The following DGKA variants were observed in gnomAD, a reference collection of about 807,000 sequenced individuals.
The protein encoded by DGKA is 80 kDa diacylglycerol kinase.
A neutral mutation model predicts 105.0 loss-of-function variants in DGKA; 35 were observed. That is an observed-to-expected ratio of 0.33 (90% CI 0.25 to 0.44). The LOEUF (loss-of-function observed/expected upper bound fraction) is 0.44, where lower values mean the gene tolerates loss of function less well. DGKA is among the 20% of genes least tolerant of loss of function. The pLI is 1.00. For missense variants in DGKA, 665 were observed against 915.0 expected, an observed-to-expected ratio of 0.73 and a Z score of 3.53; for synonymous variants, 296 against 332.0, an observed-to-expected ratio of 0.89 and a Z score of 1.18.
intron 1 of DGKA, among the ~76,000 whole-genome samples, chr12:55,933,780 T>TA (rs1223183565): frequency 2.0e-5 from 3 of 152,208 alleles, no homozygotes; most frequent in African/African-American, 7.2e-5. Context: ...TCACTGATGC[T>TA]AGCAGTCCCT....
At chr12:55,929,177 A>G (rs929374936), upstream of DGKA, 1 of 152,226 alleles carries the variant, frequency 6.6e-6, no homozygotes, top group Non-Finnish European at 1.5e-5. Context: ...TTTGCATACG[A>G]TACACTGTTA....
At chr12:55,927,420 C>T (rs1382417458), upstream of DGKA, 2 of 708,660 alleles carry the variant, frequency 2.8e-6, no homozygotes, top group Non-Finnish European at 5.1e-6. Flanking sequence ...ACGTCCAGGA[C>T]CTGCGAGGGA....
chr12:55,947,800 AT>A (rs908481176), intron 17 of DGKA, among the ~76,000 whole-genome samples: 20 of 151,862 alleles, frequency 1.3e-4, no homozygotes, highest in Non-Finnish European at 2.1e-4. Flanking sequence ...TATTTTATTT[AT>A]TTTTTTGAGA....
Position 55,952,515 on chromosome 12 carries a change from C to T in DGKA, c.1743+84C>T, listed in dbSNP as rs1888368814. The T allele has an allele frequency of 7.1e-7, 1 of 1,410,812 alleles. No individual in the cohort carries two copies. Among genetic ancestry groups the T allele is most frequent in the Admixed American group, 1.7e-5 (1 of 59,014 alleles). The allele number at this position is 1,410,812 out of a possible 1,614,324, so 87.4% of individuals were successfully genotyped here. ...CCCTCCATGGCACCCTTAGGAACTT[C>T]CCATATTCTTGAACCTATGCTTCTT... On this transcript the variant is annotated intron_variant, in intron 20 of 23. Transcript: ENST00000331886. The surrounding 1 kb of genome is among the most constrained non-coding windows in gnomAD (Gnocchi z 5.1).
rs1296508400 is a variant in DGKA, at chr12:55,940,701, T to C, written c.996T>C (p.Ser332=). 5 of 1,608,878 alleles carry C rather than the reference T, an allele frequency of 3.1e-6. No homozygotes were observed. The highest frequency in any genetic ancestry group is 3.4e-6 in the Non-Finnish European group (4 of 1,178,658). The change falls in exon 12 of 24, where the codon TCT becomes TCC. Residue 332 remains serine (S), a synonymous_variant. Transcript: ENST00000331886. This position sits in a 1 kb window ranked among gnomAD's most constrained non-coding sequence, Gnocchi z 4.3. ...TCCGGGATCACATCCTGCCTCCATC[T>C]TCCATCTATCCCAGTGTCCTGGTGA... is the stretch of plus-strand genomic sequence containing the variant. ...GLLRDHILPP[S]SIYPSVLASG...
At chr12:55,943,037 A>G (rs1343484530) in intron 17 of DGKA, among the ~76,000 whole-genome samples, 2 of 151,974 alleles carry the variant, frequency 1.3e-5, no homozygotes, top group African/African-American at 4.8e-5. Flanking sequence ...GAGAGGGAAG[A>G]CTAGTTGAGC....
upstream of DGKA, chr12:55,929,412 G>A (rs1883267028): frequency 6.6e-6 from 1 of 152,266 alleles, no homozygotes; most frequent in Non-Finnish European, 1.5e-5. Context: ...TTGTGCAGGA[G>A]GGAAACCTAA....
chr12:55,927,398 G>A (rs777198150), upstream of DGKA: 6 of 714,058 alleles, frequency 8.4e-6, 1 homozygote, highest in South Asian at 8.8e-5. Context: ...CTCATCCCCA[G>A]GAACTCCTCG....
upstream of DGKA, chr12:55,930,300 C>T (rs1038801823): frequency 6.8e-6 from 1 of 146,910 alleles, no homozygotes; most frequent in Non-Finnish European, 1.5e-5. Context: ...AGAGATGAAG[C>T]TTTGCTAACA....
Position 55,937,364 on chromosome 12 carries a change from C to T in DGKA, c.139-44C>T, listed in dbSNP as rs769661077. ...TACTCCCAATTCTTCAGCCCCAGCT[C>T]TGACCTTGCAGACTCCCCAGGATAA... On this transcript the variant is annotated intron_variant, in intron 3 of 23. Coordinates refer to ENST00000331886, the MANE Select transcript of DGKA (RefSeq NM_001345.5). The T allele has an allele frequency of 2.5e-6, 4 of 1,602,344 alleles. No homozygotes were observed. The East Asian group carries it at 6.7e-5, about 27-fold the overall frequency.
intron 1 of DGKA, chr12:55,936,080 A>G: frequency 2.1e-6 from 2 of 944,920 alleles, no homozygotes; most frequent in Non-Finnish European, 2.5e-6. Flanking sequence ...GAAACAGACA[A>G]GGGACACACC....
At chr12:55,939,061 A>G in intron 7 of DGKA, 72 bp downstream of exon 7, 1 of 1,608,774 alleles carries the variant, frequency 6.2e-7, no homozygotes, top group Non-Finnish European at 8.5e-7. Flanking sequence ...GCCTTACTTC[A>G]TCTCTGACAG....
At chr12:55,951,450 G>A (rs886810787) in intron 17 of DGKA, among the ~76,000 whole-genome samples, 173 bp from the exon 18 acceptor site, 14 of 152,174 alleles carry the variant, frequency 9.2e-5, no homozygotes, top group Non-Finnish European at 1.9e-4. Context: ...CACACAGCAT[G>A]GAGGAAAGGT....
chr12:55,940,042 A>G lies in DGKA; in HGVS notation c.710-40A>G, dbSNP rs1480219592. 1 of 1,542,250 alleles carries G rather than the reference A, an allele frequency of 6.5e-7. No individual in the cohort carries two copies. Among genetic ancestry groups the G allele is most frequent in the Non-Finnish European group, 9.0e-7 (1 of 1,115,098 alleles). ...TCAGGTAAGAAGGAAATAGGGGGAG[A>G]GGCTCAGCTAAGCCTCCCAACTTCT... On this transcript the variant is annotated intron_variant, in intron 9 of 23. Coordinates refer to ENST00000331886, the MANE Select transcript of DGKA (RefSeq NM_001345.5). This position sits in a 1 kb window ranked among gnomAD's most constrained non-coding sequence, Gnocchi z 4.3.
At chr12:55,936,111 G>A in intron 1 of DGKA, 1 of 880,358 alleles carries the variant, frequency 1.1e-6, no homozygotes, top group African/African-American at 1.8e-5. Context: ...TATATAGACT[G>A]AGAAAGCCGG....
At chr12:55,944,400 C>T (rs540362808) in intron 17 of DGKA, among the ~76,000 whole-genome samples, 8 of 152,234 alleles carry the variant, frequency 5.3e-5, no homozygotes, top group Admixed American at 3.9e-4. Context: ...CTGAAAAGAT[C>T]GAGGCTGTAG....
intron 1 of DGKA, among the ~76,000 whole-genome samples, chr12:55,933,900 C>T (rs1011891993): frequency 5.9e-5 from 9 of 152,186 alleles, no homozygotes; most frequent in Non-Finnish European, 1.0e-4. Flanking sequence ...TCATTGAGTT[C>T]TTATTCTGTG....
At chr12:55,938,794 C>T in intron 6 of DGKA, 121 bp from the exon 7 acceptor site, 2 of 1,549,166 alleles carry the variant, frequency 1.3e-6, no homozygotes, top group Non-Finnish European at 1.8e-6. Context: ...ACTTGGCAGA[C>T]ATACCTGAGA....
intron 17 of DGKA, 109 bp from the exon 18 acceptor site, chr12:55,951,514 C>T: frequency 8.4e-7 from 1 of 1,197,578 alleles, no homozygotes; most frequent in Non-Finnish European, 1.2e-6. Flanking sequence ...GGCTGGGAGG[C>T]TCTGTAGAAA....
Sources: gnomAD v4.1 joint callset for allele counts (sites outside exome capture counted in the v4.1 genomes callset) on GRCh38, gnomAD v4.1.1 for gene constraint, Gnocchi (gnomAD v3.1) non-coding constraint, MANE v1.5 for transcripts, NCBI Gene and HGNC (gene_info 2026-07-23, HGNC 2026-07-21) for gene names.